THEMIS: variants seen among roughly 807,000 people sequenced by gnomAD.
THEMIS encodes the protein protein THEMIS.
THEMIS carries 37 observed loss-of-function variants against 52.6 expected under a neutral mutation model. The observed-to-expected ratio is 0.70, with a 90% CI of 0.54 to 0.93. The LOEUF is 0.93. Ranked by LOEUF, THEMIS falls within the 40% of genes least tolerant of loss-of-function variation. The pLI is 0.00. For missense variants in THEMIS, 808 were observed against 763.1 expected (o/e 1.06, Z -0.69); for synonymous variants, 292 against 272.7 (o/e 1.07, Z -0.70).
chr6:127,696,965 C>T, the THEMIS span, among the ~76,000 whole-genome samples: 1 of 152,158 alleles, frequency 6.6e-6, no homozygotes, highest in African/African-American at 2.4e-5. Flanking sequence ...TGATTTTGGA[C>T]ACGCACAATT....
chr6:127,904,267 A>C (rs1781215068), upstream of THEMIS, among the ~76,000 whole-genome samples: 1 of 152,082 alleles, frequency 6.6e-6, no homozygotes, highest in Non-Finnish European at 1.5e-5. Flanking sequence ...TGATTGTATG[A>C]GACACAAACA....
chr6:127,886,787 T>G (rs1285395551), intron 1 of THEMIS, among the ~76,000 whole-genome samples: 1 of 152,164 alleles, frequency 6.6e-6, no homozygotes, highest in Non-Finnish European at 1.5e-5. Flanking sequence ...CAGCTCATGT[T>G]TGGTTTCTCC....
intron 3 of THEMIS, among the ~76,000 whole-genome samples, chr6:127,816,864 C>T (rs1222643830): frequency 6.6e-6 from 1 of 152,180 alleles, no homozygotes; most frequent in Non-Finnish European, 1.5e-5. Flanking sequence ...TCCCGGACCT[C>T]CTCATTGTCA....
chr6:127,901,395 C>G (rs1781130881), upstream of THEMIS, among the ~76,000 whole-genome samples: 1 of 152,090 alleles, frequency 6.6e-6, no homozygotes, highest in African/African-American at 2.4e-5. Context: ...CATTATCTCT[C>G]TAGTTCATTT....
At chr6:127,903,708 G>A (rs377618143), upstream of THEMIS, among the ~76,000 whole-genome samples, 1 of 150,876 alleles carries the variant, frequency 6.6e-6, no homozygotes. Context: ...AAATACTCCT[G>A]TAAATCAAAA....
At chr6:127,882,232 T>C (rs1780508222) in intron 1 of THEMIS, among the ~76,000 whole-genome samples, 2 of 151,780 alleles carry the variant, frequency 1.3e-5, no homozygotes, top group Non-Finnish European at 3.0e-5. Flanking sequence ...ACAGTATCAA[T>C]GTGTTACATG....
intron 2 of THEMIS, among the ~76,000 whole-genome samples, chr6:127,831,369 G>T (rs1346015911): frequency 6.6e-6 from 1 of 152,058 alleles, no homozygotes; most frequent in African/African-American, 2.4e-5. Context: ...CAGAGAAAAT[G>T]AGGACAAAGA....
intron 2 of THEMIS, among the ~76,000 whole-genome samples, chr6:127,848,077 ACCCCACAACAGG>A (rs1779284156): frequency 3.1e-5 from 1 of 32,560 alleles, no homozygotes; most frequent in Non-Finnish European, 6.6e-5. Flanking sequence ...CCTCCCCCCC[ACCCCACAACAGG>A]CCCCGGTGTG....
At chr6:127,727,006 G>T (rs1423304513) in intron 4 of THEMIS, among the ~76,000 whole-genome samples, 1 of 152,130 alleles carries the variant, frequency 6.6e-6, no homozygotes, top group Non-Finnish European at 1.5e-5. Context: ...TACTCTCAAA[G>T]ATGTCAGCCT....
chr6:127,849,781 C>A (rs1257094307), intron 2 of THEMIS, among the ~76,000 whole-genome samples: 2 of 151,858 alleles, frequency 1.3e-5, no homozygotes, highest in African/African-American at 4.8e-5. Context: ...GACCTGAAAC[C>A]ATAAAGTTTT....
chr6:127,852,630 G>A (rs529328815), intron 2 of THEMIS, among the ~76,000 whole-genome samples: 114 of 151,584 alleles, frequency 7.5e-4, no homozygotes, highest in Non-Finnish European at 1.2e-3. Flanking sequence ...GACTTTTTAA[G>A]TCAAAAATCT....
At chr6:127,731,068 G>A (rs1296561561) in intron 4 of THEMIS, among the ~76,000 whole-genome samples, 1 of 152,080 alleles carries the variant, frequency 6.6e-6, no homozygotes, top group Non-Finnish European at 1.5e-5. Context: ...TATAAATTAG[G>A]CATATTTAGT....
At chr6:127,846,716 A>G (rs1180042046) in intron 2 of THEMIS, among the ~76,000 whole-genome samples, 1 of 151,908 alleles carries the variant, frequency 6.6e-6, no homozygotes, top group Non-Finnish European at 1.5e-5. Context: ...CATTCCAAGA[A>G]GAATTACAAC....
chr6:127,904,669 AG>A (rs1416314317), upstream of THEMIS, among the ~76,000 whole-genome samples: 1 of 152,092 alleles, frequency 6.6e-6, no homozygotes, highest in Non-Finnish European at 1.5e-5. Flanking sequence ...GACAGAGAGA[AG>A]GGAGACCACA....
chr6:127,751,244 T>TTTTTTTTACTTCAAAAAAA (rs1775632933), intron 4 of THEMIS, among the ~76,000 whole-genome samples: 1 of 151,792 alleles, frequency 6.6e-6, no homozygotes, highest in Non-Finnish European at 1.5e-5. Flanking sequence ...AGTAAAAATG[T>TTTTTTTTACTTCAAAAAAA]AGAGTTTTTC....
intron 4 of THEMIS, among the ~76,000 whole-genome samples, chr6:127,786,499 T>C (rs1201342335): frequency 6.6e-6 from 1 of 152,222 alleles, no homozygotes; most frequent in African/African-American, 2.4e-5. Flanking sequence ...ATGAATATAC[T>C]GATACTGACA....
intron 4 of THEMIS, among the ~76,000 whole-genome samples, chr6:127,781,416 A>G (rs1339492291): frequency 1.3e-5 from 2 of 152,018 alleles, no homozygotes; most frequent in Admixed American, 6.5e-5. Flanking sequence ...CTCATTCTCC[A>G]TCCAGTTTTG....
chr6:127,806,190 A>C (rs1777702783), intron 4 of THEMIS, among the ~76,000 whole-genome samples: 1 of 152,226 alleles, frequency 6.6e-6, no homozygotes, highest in Non-Finnish European at 1.5e-5. Context: ...TGGACATTTT[A>C]GTAAATGAAA....
At chr6:127,809,005 C>T (rs1347501804) in intron 4 of THEMIS, among the ~76,000 whole-genome samples, 1 of 152,144 alleles carries the variant, frequency 6.6e-6, no homozygotes, top group Non-Finnish European at 1.5e-5. Flanking sequence ...CTGTCTGTTA[C>T]TTAATGCAAG....
Sources: gnomAD v4.1 joint callset for allele counts (sites outside exome capture counted in the v4.1 genomes callset) on GRCh38, gnomAD v4.1.1 for gene constraint, MANE v1.5 for transcripts, NCBI Gene and HGNC (gene_info 2026-07-23, HGNC 2026-07-21) for gene names.